PSME4: variants seen among roughly 807,000 people sequenced by gnomAD.
PSME4 encodes proteasome activator subunit 4, also known as proteasome activator complex subunit 4.
Under a neutral mutation model 253.9 loss-of-function variants are expected in PSME4, and 89 were observed. The observed-to-expected ratio is 0.35, with a 90% CI of 0.30 to 0.42. The LOEUF (loss-of-function observed/expected upper bound fraction) is 0.42, where lower values mean the gene tolerates loss of function less well. PSME4 is among the 10% of genes least tolerant of loss of function. The probability of loss-of-function intolerance (pLI) is 1.00; values close to 1 mark genes in which losing one functional copy is unlikely to be tolerated. For missense variants in PSME4, 2,014 were observed against 2,195.2 expected (o/e 0.92, Z 1.65); for synonymous variants, 851 against 759.2 (o/e 1.12, Z -1.99).
At position 53,896,870 on chromosome 2, in the gene PSME4, C is replaced by A. The variant is rs183629992; in HGVS notation, c.3622G>T (p.Val1208Phe). Residue 1208 changes from valine (V) to phenylalanine (F), a missense_variant, in exon 32 of 47, where the codon GTT (valine) becomes TTT (phenylalanine). Physicochemically the swap from Val to Phe is conservative, Grantham distance 50. Coordinates refer to ENST00000404125, the MANE Select transcript of PSME4 (RefSeq NM_014614.3). The stretch of plus-strand genomic sequence containing the variant: ...TTTAGCTGTTTAAGGATACCAGCAA[C>A]AGCTGAGATAGCCATCTAGAAAAGG... ...IVVRKMAISA[V>F]AGILKQLKRT... is the part of the protein sequence containing the mutation. 1 of 1,611,546 alleles carries A rather than the reference C, an allele frequency of 6.2e-7. No individual in the cohort carries two copies. The highest frequency in any genetic ancestry group is 8.5e-7 in the Non-Finnish European group (1 of 1,177,798).
rs183032574 is a variant in PSME4 at position 53,884,804 on chromosome 2, C to T, written c.4815+886G>A. On this transcript the variant is annotated intron_variant, in intron 41 of 46. Coordinates refer to ENST00000404125, the MANE Select transcript of PSME4 (RefSeq NM_014614.3). ...TAGCAGCTACTGTCTACTTTTATACCCCAAAAGATCCCAGGGACATTCATG... is the reference window on the plus strand; with the variant it reads ...TAGCAGCTACTGTCTACTTTTATACTCCAAAAGATCCCAGGGACATTCATG... Among the ~76,000 whole-genome samples, 22 of 152,184 alleles carry T rather than the reference C, an allele frequency of 1.4e-4. 1 individual carries two copies. The highest frequency in any genetic ancestry group is 1.1e-3 in the Admixed American group (17 of 15,288).
chr2:53,882,411 G>C (rs1182217467), intron 41 of PSME4, among the ~76,000 whole-genome samples: 2 of 152,156 alleles, frequency 1.3e-5, no homozygotes, highest in African/African-American at 4.8e-5. Context: ...AATGGAAAAT[G>C]CACATAATTC....
intron 19 of PSME4, 152 bp downstream of exon 19, chr2:53,920,041 T>C (rs1320163059): frequency 1.1e-5 from 8 of 714,328 alleles, no homozygotes; most frequent in Admixed American, 2.9e-5. Context: ...TTTTCTGTTA[T>C]ACAACATTAT....
chr2:53,895,109 A>C, intron 33 of PSME4, 33 bp from the exon 34 acceptor site: 1 of 1,550,786 alleles, frequency 6.4e-7, no homozygotes, highest in Non-Finnish European at 8.7e-7. Context: ...TATCATACGC[A>C]TAGAAAAAAA....
rs1264963043 is a variant in PSME4, at chr2:53,897,974, T to C, written c.3502A>G (p.Ile1168Val). Residue 1168 changes from isoleucine (I) to valine (V), a missense_variant, in exon 31 of 47, where the codon ATT (isoleucine) becomes GTT (valine). By Grantham distance (29) the Ile-to-Val change is conservative. Around this residue, in one of 4 missense-constraint regions of PSME4, gnomAD observed 989 missense variants for 1,021.1 expected, o/e 0.97. Coordinates refer to ENST00000404125, the MANE Select transcript of PSME4 (RefSeq NM_014614.3). Reference protein sequence around the residue: ...NLPWKFEHIGIGLLSLLLRDD... With the variant: ...NLPWKFEHIGVGLLSLLLRDD... ...CTCAGCAGTAGAGACAGAAGCCCAA[T>C]GCCTATATGTTCAAATTTCCAGGGC... is the stretch of plus-strand genomic sequence containing the variant. 2 of 1,613,592 alleles carry C rather than the reference T, an allele frequency of 1.2e-6. No homozygotes were observed. The highest frequency in any genetic ancestry group is 1.7e-6 in the Non-Finnish European group (2 of 1,179,772).
intron 3 of PSME4, among the ~76,000 whole-genome samples, chr2:53,944,628 C>G (rs766391976): frequency 6.6e-6 from 1 of 152,094 alleles, no homozygotes; most frequent in Non-Finnish European, 1.5e-5. Flanking sequence ...ATTTTTCTCA[C>G]CATTTGATTA....
chr2:53,875,543 T>C lies in PSME4; in HGVS notation c.4944+84A>G, dbSNP rs112859001. The C allele has an allele frequency of 6.9e-6, 9 of 1,311,586 alleles. No individual in the cohort carries two copies. In the African/African-American group the frequency reaches 1.2e-4, roughly 18 times the overall value. The allele number at this position is 1,311,586 out of a possible 1,614,324, so 81.2% of individuals were successfully genotyped here. A position where few individuals can be genotyped will look rare whatever the true frequency, so the allele number is the denominator to read the frequency against. On this transcript the variant is annotated intron_variant, in intron 42 of 46. Coordinates refer to ENST00000404125, the MANE Select transcript of PSME4 (RefSeq NM_014614.3). ...AAAATTCAAAACAAAAACTAGGCGCTGTGTGCACTGCAGCTGACTGAAATT... is the reference window on the plus strand; with the variant it reads ...AAAATTCAAAACAAAAACTAGGCGCCGTGTGCACTGCAGCTGACTGAAATT...
rs1667762713 is a variant in PSME4 at position 53,910,117 on chromosome 2, C to T, written c.2530G>A (p.Val844Met). ...EPVTNLVPSM[V>M]SLEETKLYTG... ...TACAACTTTGTCTCTTCCAAGGACA[C>T]CATACTTGGTACTCTGTATAAAAAC... is the stretch of plus-strand genomic sequence containing the variant. The change falls in exon 21 of 47, where the codon GTG becomes ATG. Residue 844 changes from valine (V) to methionine (M), a missense_variant. Physicochemically the swap from Val to Met is conservative, Grantham distance 21. Transcript: ENST00000404125. The T allele has an allele frequency of 1.2e-6, 2 of 1,606,092 alleles. No homozygotes were observed. The highest frequency in any genetic ancestry group is 1.7e-6 in the Non-Finnish European group (2 of 1,172,824).
intron 4 of PSME4, among the ~76,000 whole-genome samples, chr2:53,939,402 T>G (rs1442485471): frequency 1.2e-4 from 19 of 152,020 alleles, no homozygotes. Flanking sequence ...AAAATTAAAT[T>G]TTATCCACAC....
intron 37 of PSME4, among the ~76,000 whole-genome samples, chr2:53,889,681 C>T (rs988608706): frequency 6.6e-6 from 1 of 152,180 alleles, no homozygotes; most frequent in South Asian, 2.1e-4. Context: ...TCAAAGTACA[C>T]GAGCTATGGA....
intron 10 of PSME4, among the ~76,000 whole-genome samples, chr2:53,929,933 G>A (rs528919333): frequency 1.4e-4 from 21 of 152,046 alleles, no homozygotes; most frequent in African/African-American, 4.8e-4. Context: ...CAGGAGAATC[G>A]CTTGAACCCG....
At chr2:53,968,322 G>A (rs1189962373) in intron 1 of PSME4, among the ~76,000 whole-genome samples, 4 of 150,058 alleles carry the variant, frequency 2.7e-5, no homozygotes, top group East Asian at 3.9e-4. Context: ...CTCATTTCAC[G>A]CACAAGCATA....
At position 53,908,497 on chromosome 2, in the gene PSME4, A is replaced by C; in HGVS notation, c.2685+13T>G. ...GTATTAATCATTATGCAACTATCAA[A>C]TGACAAATGTACCTTTATAATAAGA... On this transcript the variant is annotated intron_variant, in intron 23 of 46. Coordinates refer to ENST00000404125, the MANE Select transcript of PSME4 (RefSeq NM_014614.3). 1 of 1,610,722 alleles carries C rather than the reference A, an allele frequency of 6.2e-7. No homozygotes were observed. Among genetic ancestry groups the C allele is most frequent in the Non-Finnish European group, 8.5e-7 (1 of 1,178,370 alleles).
chr2:53,956,240 G>A (rs1275827257), intron 1 of PSME4, among the ~76,000 whole-genome samples: 1 of 152,054 alleles, frequency 6.6e-6, no homozygotes, highest in African/African-American at 2.4e-5. Context: ...CTTTCTAAAA[G>A]TAAATAGGCT....
chr2:53,890,806 T>A (rs939207446), intron 36 of PSME4, among the ~76,000 whole-genome samples: 3 of 152,074 alleles, frequency 2.0e-5, no homozygotes, highest in Non-Finnish European at 4.4e-5. Flanking sequence ...GGCAGGAGGA[T>A]CACTTGAAAT....
chr2:53,868,430 T>C (rs1678678761), intron 44 of PSME4, among the ~76,000 whole-genome samples: 1 of 148,574 alleles, frequency 6.7e-6, no homozygotes, highest in South Asian at 2.1e-4. Context: ...CCAGCCTGGG[T>C]GACAGTGGAA....
chr2:53,948,780 T>C (rs1038248345), intron 2 of PSME4, among the ~76,000 whole-genome samples: 6 of 152,210 alleles, frequency 3.9e-5, no homozygotes, highest in Admixed American at 2.6e-4. Flanking sequence ...GTCGCCATTA[T>C]TGTGGATGAA....
chr2:53,896,571 G>A (rs1294371239), intron 32 of PSME4, among the ~76,000 whole-genome samples: 1 of 152,110 alleles, frequency 6.6e-6, no homozygotes, highest in Non-Finnish European at 1.5e-5. Context: ...AAAATAATTA[G>A]TATAATTGCT....
chr2:53,916,277 T>C (rs1353266404), intron 20 of PSME4, among the ~76,000 whole-genome samples: 1 of 151,512 alleles, frequency 6.6e-6, no homozygotes, highest in African/African-American at 2.4e-5. Flanking sequence ...TGAATTGCTA[T>C]GTGCGTCTAA....
Sources: gnomAD v4.1 joint callset for allele counts (sites outside exome capture counted in the v4.1 genomes callset) on GRCh38, gnomAD v4.1.1 for gene constraint, gnomAD v4.1.1 regional missense constraint, MANE v1.5 for transcripts, NCBI Gene and HGNC (gene_info 2026-07-23, HGNC 2026-07-21) for gene names.